KCNC2: variants seen among roughly 807,000 people sequenced by gnomAD.
KCNC2 encodes voltage-gated potassium channel KCNC2.
KCNC2 carries 21 observed loss-of-function variants against 44.5 expected under a neutral mutation model. That is an observed-to-expected ratio of 0.47 (90% CI 0.33 to 0.68). The LOEUF (loss-of-function observed/expected upper bound fraction) is 0.68, where lower values mean the gene tolerates loss of function less well. Ranked by LOEUF, KCNC2 falls within the 30% of genes least tolerant of loss-of-function variation. KCNC2 has a pLI of 0.01. For synonymous variants in KCNC2, 391 were observed against 339.1 expected (o/e 1.15, Z -1.68); for missense variants, 589 against 826.2 (o/e 0.71, Z 3.52).
intron 2 of KCNC2, among the ~76,000 whole-genome samples, chr12:75,094,899 A>T (rs749009139): frequency 2.3e-4 from 35 of 151,824 alleles, no homozygotes; most frequent in Non-Finnish European, 4.3e-4. Context: ...TAAGGTAGAA[A>T]ACACATTAGC....
intron 2 of KCNC2, among the ~76,000 whole-genome samples, chr12:75,150,859 A>G (rs1890341985): frequency 6.6e-6 from 1 of 151,906 alleles, no homozygotes; most frequent in African/African-American, 2.4e-5. Flanking sequence ...ATGTTATTAT[A>G]AGAACTCAGC....
chr12:75,190,192 C>T (rs1014213202), intron 2 of KCNC2, among the ~76,000 whole-genome samples: 10 of 152,086 alleles, frequency 6.6e-5, no homozygotes, highest in Admixed American at 5.9e-4. Context: ...GTTGTAGGGT[C>T]ATATCCTTTG....
rs199730100 is a variant in KCNC2 at position 75,207,978 on chromosome 12, G to T, written c.6C>A (p.Gly2=). ...TCACCCTCTCGTTGTTCTCGATCTT[G>T]CCCATCTCTGTGACTCAGACATGAC... The part of the protein sequence containing the change: M[G]KIENNERVIL... Residue 2 remains glycine (G), a synonymous_variant, in exon 2 of 5, where the codon GGC becomes GGA. Transcript: ENST00000549446. This position sits in a 1 kb window ranked among gnomAD's most constrained non-coding sequence, Gnocchi z 4.1. 2 of 1,612,340 alleles carry T rather than the reference G, an allele frequency of 1.2e-6. No individual in the cohort carries two copies. The highest frequency in any genetic ancestry group is 1.7e-6 in the Non-Finnish European group (2 of 1,179,792).
At chr12:75,080,597 T>G (rs1442200777) in intron 2 of KCNC2, among the ~76,000 whole-genome samples, 1 of 152,110 alleles carries the variant, frequency 6.6e-6, no homozygotes, top group Non-Finnish European at 1.5e-5. Flanking sequence ...TGGGCTGGAA[T>G]TGTACCAAAT....
intron 2 of KCNC2, among the ~76,000 whole-genome samples, chr12:75,154,208 C>CT (rs1285861220): frequency 6.6e-6 from 1 of 151,972 alleles, no homozygotes; most frequent in Non-Finnish European, 1.5e-5. Context: ...GGGGTCCCTC[C>CT]TGTCTCTGAT....
intron 2 of KCNC2, among the ~76,000 whole-genome samples, chr12:75,197,829 A>C (rs2030906498): frequency 6.6e-6 from 1 of 152,008 alleles, no homozygotes; most frequent in Admixed American, 6.6e-5. Flanking sequence ...CCCAGCGTTG[A>C]AGTACAAAGT....
intron 2 of KCNC2, among the ~76,000 whole-genome samples, chr12:75,090,566 C>T (rs1485554129): frequency 1.3e-5 from 2 of 151,676 alleles, no homozygotes; most frequent in Non-Finnish European, 3.0e-5. Flanking sequence ...ACCAGTGACC[C>T]CTTACAAGCC....
In KCNC2 at chr12:75,144,620, TTGTGTGTG is replaced by T. The variant is rs71650077; in HGVS notation, c.687+62669_687+62676del. Among the ~76,000 whole-genome samples, 40 of 146,590 alleles carry T rather than the reference TTGTGTGTG, an allele frequency of 2.7e-4. 1 individual carries two copies. The highest frequency in any genetic ancestry group is 5.5e-4 in the Non-Finnish European group (36 of 65,782). On this transcript the variant is annotated intron_variant, in intron 2 of 4. Coordinates refer to ENST00000549446, the MANE Select transcript of KCNC2 (RefSeq NM_139137.4). Reference sequence around the variant, plus strand: ...CATTTTTGTGTATGTGGGTGTACTTTTGTGTGTGTGTGTGTGTGTGTATATATATATAT... The same window carrying T: ...CATTTTTGTGTATGTGGGTGTACTTTTGTGTGTGTGTGTATATATATATAT...
intron 2 of KCNC2, among the ~76,000 whole-genome samples, chr12:75,095,956 G>C (rs1885885477): frequency 6.6e-6 from 1 of 151,876 alleles, no homozygotes. Flanking sequence ...CAAGTAAGAT[G>C]GCTATGGCCA....
chr12:75,176,825 T>C lies in KCNC2; in HGVS notation c.687+30472A>G, dbSNP rs184038220. ...GAAACAGTAATCCAGGTCCTGGGAA[T>C]TTGACCAACAAAAAAACCTCAAAAA... is the stretch of plus-strand genomic sequence containing the variant. On this transcript the variant is annotated intron_variant, in intron 2 of 4. Coordinates refer to ENST00000549446, the MANE Select transcript of KCNC2 (RefSeq NM_139137.4). 2.6e-5 allele frequency among the ~76,000 whole-genome samples: 4 copies of C among 152,038 alleles called. No homozygotes were observed. In the East Asian group the frequency reaches 7.8e-4, roughly 30 times the overall value.
rs1322022932 is a variant in KCNC2 at position 75,053,246 on chromosome 12, C to T, written c.688-1929G>A. ...AAATCTTTTGTCATTAGAGTCCTGC[C>T]AATATGTACCTACTAACTCCCACCC... On this transcript the variant is annotated intron_variant, in intron 2 of 4. Coordinates refer to ENST00000549446, the MANE Select transcript of KCNC2 (RefSeq NM_139137.4). Among the ~76,000 whole-genome samples the T allele has an allele frequency of 2.6e-5, 3 of 114,268 alleles. No individual in the cohort carries two copies. In the Admixed American group the frequency reaches 3.1e-4, roughly 12 times the overall value. 75.0% of individuals were successfully genotyped at this position (114,268 alleles called of 152,430 possible).
At chr12:75,093,520 AT>A (rs1565848549) in intron 2 of KCNC2, among the ~76,000 whole-genome samples, 1 of 151,680 alleles carries the variant, frequency 6.6e-6, no homozygotes, top group Non-Finnish European at 1.5e-5. Flanking sequence ...CCGAAGCTCC[AT>A]TACAGCTTAT....
chr12:75,153,170 T>A (rs1334825361), intron 2 of KCNC2, among the ~76,000 whole-genome samples: 1 of 151,994 alleles, frequency 6.6e-6, no homozygotes, highest in African/African-American at 2.4e-5. Context: ...GAATAAGAGA[T>A]GGCTACATGT....
chr12:75,129,019 A>G (rs1888642160), intron 2 of KCNC2, among the ~76,000 whole-genome samples: 1 of 152,228 alleles, frequency 6.6e-6, no homozygotes, highest in African/African-American at 2.4e-5. Flanking sequence ...CAGGCCAAAT[A>G]GCCATTTAAA....
At chr12:75,134,704 G>A (rs1163045282) in intron 2 of KCNC2, among the ~76,000 whole-genome samples, 1 of 151,734 alleles carries the variant, frequency 6.6e-6, no homozygotes, top group Admixed American at 6.6e-5. Context: ...CAGTCTTTCT[G>A]GAAATATCTA....
At chr12:75,140,419 G>A (rs1402690560) in intron 2 of KCNC2, among the ~76,000 whole-genome samples, 5 of 152,040 alleles carry the variant, frequency 3.3e-5, no homozygotes, top group Admixed American at 1.3e-4. Context: ...TTTGTAAATG[G>A]CAAAGAATCA....
intron 4 of KCNC2, chr12:75,043,477 T>G: frequency 1.5e-6 from 2 of 1,295,174 alleles, no homozygotes; most frequent in Non-Finnish European, 2.0e-6. Context: ...CAAAATATAT[T>G]TTTTCCCAGA....
intron 2 of KCNC2, among the ~76,000 whole-genome samples, chr12:75,175,288 T>C (rs1892109146): frequency 6.6e-6 from 1 of 152,060 alleles, no homozygotes; most frequent in Non-Finnish European, 1.5e-5. Context: ...TCAAGCTTCT[T>C]ATCCCAAATG....
intron 2 of KCNC2, among the ~76,000 whole-genome samples, chr12:75,169,589 TATA>T (rs1000282237): frequency 1.9e-3 from 290 of 151,758 alleles, no homozygotes; most frequent in African/African-American, 6.8e-3. Context: ...TTTGGTAATG[TATA>T]ATGTCCTATG....
Sources: allele counts gnomAD v4.1 joint callset (sites outside exome capture counted in the v4.1 genomes callset), GRCh38; gene constraint gnomAD v4.1.1; non-coding constraint Gnocchi (gnomAD v3.1); transcripts MANE v1.5; gene names NCBI Gene and HGNC (gene_info 2026-07-23, HGNC 2026-07-21).